Variants in THOC7 observed in about 807,000 individuals in gnomAD.
THOC7 encodes THO complex subunit 7, also known as NIF3L1-binding protein 1.
THOC7 carries 22 observed loss-of-function variants against 33.1 expected under a neutral mutation model. That is an observed-to-expected ratio of 0.66 (90% confidence interval 0.47 to 0.95). The LOEUF (loss-of-function observed/expected upper bound fraction) is 0.95. THOC7 is among the 40% of genes least tolerant of loss of function. The pLI, the probability that THOC7 is intolerant of heterozygous loss-of-function variation, is 0.00. For missense variants in THOC7, 184 were observed against 245.3 expected, an observed-to-expected ratio of 0.75 and a Z score of 1.67; for synonymous variants, 77 against 76.8, an observed-to-expected ratio of 1.00 and a Z score of -0.01.
In THOC7 at chr3:63,838,059, C is replaced by T. The variant is rs963408248; in HGVS notation, c.269G>A (p.Cys90Tyr). The T allele has an allele frequency of 1.2e-6, 2 of 1,603,776 alleles. No homozygotes were observed. Among genetic ancestry groups the T allele is most frequent in the Non-Finnish European group, 8.5e-7 (1 of 1,176,450 alleles). Reference sequence around the variant, plus strand: ...TTTTTCATGTGCTCCAGCTATGCTACATTCTATATGAGAAGGTTTTTTAAA... The same window carrying T: ...TTTTTCATGTGCTCCAGCTATGCTATATTCTATATGAGAAGGTTTTTTAAA... Reference protein sequence around the residue: ...NYEKIYKEIECSIAGAHEKIA... With the variant: ...NYEKIYKEIEYSIAGAHEKIA... The change falls in exon 4 of 8, where the codon TGT becomes TAT. Residue 90 changes from cysteine (C) to tyrosine (Y), a missense_variant. By Grantham distance (194) the Cys-to-Tyr change is radical. Coordinates refer to ENST00000295899, the MANE Select transcript of THOC7 (RefSeq NM_025075.4).
chr3:63,861,638 C>T (rs1383546702), intron 1 of THOC7: 1 of 152,170 alleles, frequency 6.6e-6, no homozygotes, highest in Non-Finnish European at 1.5e-5. Flanking sequence ...GCAAGCTAAC[C>T]TGTGTCTGTT....
At chr3:63,856,741 CAG>C (rs887481283) in intron 1 of THOC7, among the ~76,000 whole-genome samples, 4 of 150,622 alleles carry the variant, frequency 2.7e-5, no homozygotes, top group African/African-American at 7.3e-5. Flanking sequence ...TTTTTTTAGA[CAG>C]AGTCTTGCAC....
In THOC7 at chr3:63,833,909, G is replaced by T; in HGVS notation, c.*223C>A. On this transcript the variant is annotated 3_prime_UTR_variant, in exon 8 of 8. Coordinates refer to ENST00000295899, the MANE Select transcript of THOC7 (RefSeq NM_025075.4). ...ATTTTATTAAGCATTTTTGGATGTT[G>T]CTTCCTACCACTTAAGAATAAAAAA... 1 of 450,804 alleles carries T rather than the reference G, an allele frequency of 2.2e-6. No homozygotes were observed. Among genetic ancestry groups the T allele is most frequent in the Non-Finnish European group, 3.9e-6 (1 of 256,368 alleles). The allele number at this position is 450,804 out of a possible 1,614,324, so 27.9% of individuals were successfully genotyped here. A position where few individuals can be genotyped will look rare whatever the true frequency, so the allele number is the denominator to read the frequency against.
intron 1 of THOC7, among the ~76,000 whole-genome samples, chr3:63,862,061 G>T (rs1702233955): frequency 6.6e-6 from 1 of 152,064 alleles, no homozygotes; most frequent in Non-Finnish European, 1.5e-5. Context: ...AAAGTGTTGG[G>T]ATTACAGGCG....
chr3:63,861,233 G>A (rs550979915), intron 1 of THOC7, among the ~76,000 whole-genome samples: 2 of 151,818 alleles, frequency 1.3e-5, no homozygotes, highest in East Asian at 1.9e-4. Context: ...TTAAGGATGT[G>A]GGGGGGCACT....
At chr3:63,835,691 T>C (rs1322535932) in intron 5 of THOC7, among the ~76,000 whole-genome samples, 1 of 151,884 alleles carries the variant, frequency 6.6e-6, no homozygotes, top group Non-Finnish European at 1.5e-5. Context: ...ACTTCGAGGG[T>C]TTTTTATTTT....
intron 1 of THOC7, among the ~76,000 whole-genome samples, chr3:63,861,229 A>C (rs1702204396): frequency 6.6e-6 from 1 of 152,086 alleles, no homozygotes; most frequent in African/African-American, 2.4e-5. Flanking sequence ...GCTTTTAAGG[A>C]TGTGGGGGGG....
chr3:63,845,409 G>A (rs945238186), intron 1 of THOC7, among the ~76,000 whole-genome samples: 1 of 152,198 alleles, frequency 6.6e-6, no homozygotes, highest in Non-Finnish European at 1.5e-5. Flanking sequence ...AAGCCCTGAA[G>A]AATGTGGCTG....
At chr3:63,843,015 T>C (rs1701800743) in intron 1 of THOC7, among the ~76,000 whole-genome samples, 1 of 152,044 alleles carries the variant, frequency 6.6e-6, no homozygotes, top group Admixed American at 6.6e-5. Flanking sequence ...CTCAAACTAC[T>C]GAACTCAAGT....
At chr3:63,846,641 C>A (rs187864704) in intron 1 of THOC7, among the ~76,000 whole-genome samples, 159 of 152,224 alleles carry the variant, frequency 1.0e-3, no homozygotes, top group Admixed American at 2.3e-3. Context: ...AAACTCCTGA[C>A]CTCAGGTGAT....
At chr3:63,858,312 C>G (rs544483406) in intron 1 of THOC7, among the ~76,000 whole-genome samples, 3 of 152,178 alleles carry the variant, frequency 2.0e-5, no homozygotes, top group African/African-American at 7.2e-5. Flanking sequence ...TTACTACTCA[C>G]CTCTGCATTC....
chr3:63,858,892 A>C (rs985671803), intron 1 of THOC7, among the ~76,000 whole-genome samples: 5 of 152,224 alleles, frequency 3.3e-5, no homozygotes, highest in African/African-American at 1.2e-4. Flanking sequence ...ACTCTAAAGC[A>C]GGGCAGTTCC....
intron 1 of THOC7, among the ~76,000 whole-genome samples, chr3:63,850,041 A>C (rs1701988072): frequency 6.6e-6 from 1 of 152,182 alleles, no homozygotes; most frequent in African/African-American, 2.4e-5. Flanking sequence ...GCTGGGGACA[A>C]CTTTTCCCAA....
intron 4 of THOC7, 73 bp downstream of exon 4, chr3:63,837,903 C>A (rs1168659167): frequency 7.3e-6 from 10 of 1,370,802 alleles, no homozygotes; most frequent in Non-Finnish European, 9.9e-6. Context: ...TTTTACCTCA[C>A]AACATTAAAA....
Position 63,836,309 on chromosome 3 carries a change from C to G in THOC7, c.402G>C (p.Glu134Asp), listed in dbSNP as rs1376856543. 10 of 1,612,548 alleles carry G rather than the reference C, an allele frequency of 6.2e-6. No homozygotes were observed. The highest frequency in any genetic ancestry group is 8.5e-6 in the Non-Finnish European group (10 of 1,179,064). Residue 134 changes from glutamate to aspartate, a missense_variant, in exon 5 of 8, where the codon GAG becomes GAC. By Grantham distance (45) the Glu-to-Asp change is conservative (BLOSUM62 2). Transcript: ENST00000295899. Reference sequence around the variant, plus strand: ...TAAAGCTCTACACTTACTTTAATGTCTCATGCCTGTCTGGATGGTGCTGAA... The same window carrying G: ...TAAAGCTCTACACTTACTTTAATGTGTCATGCCTGTCTGGATGGTGCTGAA... ...KVIQHHPDRH[E>D]TLKELEALGK...
chr3:63,845,428 T>C (rs1222377190), intron 1 of THOC7, among the ~76,000 whole-genome samples: 1 of 152,084 alleles, frequency 6.6e-6, no homozygotes, highest in Non-Finnish European at 1.5e-5. Flanking sequence ...TGGACAGAAA[T>C]ACGGGTTGCA....
intron 1 of THOC7, among the ~76,000 whole-genome samples, chr3:63,855,157 T>C (rs527668610): frequency 6.6e-6 from 1 of 152,220 alleles, no homozygotes; most frequent in Non-Finnish European, 1.5e-5. Flanking sequence ...ATATCCAATA[T>C]GCCTAAATGT....
At chr3:63,847,839 T>C (rs1338990708) in intron 1 of THOC7, among the ~76,000 whole-genome samples, 2 of 152,142 alleles carry the variant, frequency 1.3e-5, no homozygotes, top group Non-Finnish European at 2.9e-5. Flanking sequence ...AAAAATAAAA[T>C]TCTAAGCCCT....
intron 1 of THOC7, among the ~76,000 whole-genome samples, chr3:63,856,085 CTAAA>C (rs1702110742): frequency 6.6e-6 from 1 of 152,052 alleles, no homozygotes; most frequent in African/African-American, 2.4e-5. Flanking sequence ...TGAAAACAAA[CTAAA>C]TGCCAATAGA....
Sources: gnomAD v4.1 joint callset for allele counts (sites outside exome capture counted in the v4.1 genomes callset) on GRCh38, gnomAD v4.1.1 for gene constraint, MANE v1.5 for transcripts, NCBI Gene and HGNC (gene_info 2026-07-23, HGNC 2026-07-21) for gene names.